Variants in PTPN20 observed in about 807,000 individuals in gnomAD.
PTPN20 encodes tyrosine-protein phosphatase non-receptor type 20.
A neutral mutation model predicts 35.0 loss-of-function variants in PTPN20; 9 were observed. The ratio of observed to expected loss-of-function variants is 0.26; its 90% CI spans 0.15 to 0.45. The LOEUF (loss-of-function observed/expected upper bound fraction) is 0.45, where lower values mean the gene tolerates loss of function less well. Ranked by LOEUF, PTPN20 falls within the 20% of genes least tolerant of loss-of-function variation. PTPN20 has a pLI of 1.00. For missense variants in PTPN20, 111 were observed against 312.5 expected (o/e 0.36, Z 4.86); for synonymous variants, 32 against 100.2 (o/e 0.32, Z 4.06).
intron 7 of PTPN20, among the ~76,000 whole-genome samples, chr10:46,978,683 C>T (rs1375999666): frequency 9.3e-6 from 1 of 107,230 alleles, no homozygotes; most frequent in Non-Finnish European, 1.8e-5. Context: ...CTCTGTAGTT[C>T]AGATATTGCA....
intron 9 of PTPN20, among the ~76,000 whole-genome samples, chr10:46,994,515 T>C (rs1054020445): frequency 8.6e-5 from 13 of 151,828 alleles, no homozygotes; most frequent in Admixed American, 2.6e-4. Context: ...TGTATTTTTT[T>C]AGTAGAGACG....
intron 1 of PTPN20, among the ~76,000 whole-genome samples, chr10:46,925,150 C>T (rs1288383060): frequency 2.0e-5 from 3 of 151,136 alleles, no homozygotes; most frequent in African/African-American, 4.9e-5. Flanking sequence ...TGGTGGTCTC[C>T]GAACCATCCT....
intron 1 of PTPN20, among the ~76,000 whole-genome samples, chr10:46,915,836 TAAAAAA>T (rs781898329): frequency 1.5e-5 from 1 of 67,344 alleles, no homozygotes; most frequent in Non-Finnish European, 2.7e-5. Context: ...AGACTCCGTC[TAAAAAA>T]AAAAAAAAAA....
Position 47,001,839 on chromosome 10 carries a change from G to A in PTPN20, c.*1098G>A, listed in dbSNP as rs948962603. Reference sequence around the variant, plus strand: ...CCATTATTACAGTAATTTTATTATAGGACTTTGCCTCGTACAATTAATAGT... The same window carrying A: ...CCATTATTACAGTAATTTTATTATAAGACTTTGCCTCGTACAATTAATAGT... On this transcript the variant is annotated 3_prime_UTR_variant, in exon 11 of 11. Transcript: ENST00000374339. 1.3e-5 allele frequency: 2 copies of A among 152,036 alleles called. No individual in the cohort carries two copies. Among genetic ancestry groups the A allele is most frequent in the African/African-American group, 4.8e-5 (2 of 41,414 alleles). 9.4% of individuals were successfully genotyped at this position (152,036 alleles called of 1,614,324 possible).
At chr10:46,960,744 G>A (rs1467977704) in intron 5 of PTPN20, among the ~76,000 whole-genome samples, 1 of 152,004 alleles carries the variant, frequency 6.6e-6, no homozygotes, top group Non-Finnish European at 1.5e-5. Context: ...ATATTGTATA[G>A]TCTAGAGATA....
At chr10:46,959,645 T>A (rs2049352813) in intron 5 of PTPN20, among the ~76,000 whole-genome samples, 2 of 114,910 alleles carry the variant, frequency 1.7e-5, no homozygotes, top group African/African-American at 3.6e-5. Flanking sequence ...TCTTAAAAAA[T>A]TTCCTTTATG....
At chr10:46,930,491 A>T (rs1363721369) in intron 1 of PTPN20, among the ~76,000 whole-genome samples, 2 of 147,408 alleles carry the variant, frequency 1.4e-5, no homozygotes, top group Non-Finnish European at 3.0e-5. Context: ...AGAGGTTCTT[A>T]GTTAATTCTG....
chr10:46,957,335 G>C (rs2048692243), intron 5 of PTPN20, among the ~76,000 whole-genome samples: 2 of 149,978 alleles, frequency 1.3e-5, no homozygotes, highest in African/African-American at 2.5e-5. Flanking sequence ...TAGGGGAAAA[G>C]CTTTTACTCT....
chr10:47,002,618 GA>G (rs1222975715), downstream of PTPN20: 6 of 151,860 alleles, frequency 4.0e-5, no homozygotes, highest in African/African-American at 1.4e-4. Flanking sequence ...AATTTTCATT[GA>G]CACCTTTGTG....
At chr10:46,952,560 T>C (rs1415858767) in intron 5 of PTPN20, among the ~76,000 whole-genome samples, 1 of 123,662 alleles carries the variant, frequency 8.1e-6, no homozygotes, top group African/African-American at 3.4e-5. Flanking sequence ...ATGCAGCTGG[T>C]CACATGGTTG....
At chr10:46,953,440 G>A (rs1159545361) in intron 5 of PTPN20, among the ~76,000 whole-genome samples, 1 of 130,514 alleles carries the variant, frequency 7.7e-6, no homozygotes, top group African/African-American at 3.4e-5. Flanking sequence ...AGGACTTTTG[G>A]TTCAATGTTG....
intron 9 of PTPN20, among the ~76,000 whole-genome samples, chr10:46,989,523 A>T (rs1589908931): frequency 1.4e-4 from 1 of 6,916 alleles, no homozygotes. Flanking sequence ...TATCTTTTTG[A>T]TGTGTTGTTA....
chr10:46,955,001 A>G (rs1274604704), intron 5 of PTPN20: 1 of 151,536 alleles, frequency 6.6e-6, no homozygotes, highest in African/African-American at 2.4e-5. Context: ...TTTATGTTGT[A>G]TTAGGTATTA....
rs1589393176 is a variant in PTPN20 at position 46,940,636 on chromosome 10, G to A, written c.48G>A (p.Glu16=). Residue 16 remains glutamate (E), a synonymous_variant, in exon 3 of 11, where the codon GAG becomes GAA. Coordinates refer to ENST00000374339, the MANE Select transcript of PTPN20 (RefSeq NM_001042357.5). ...DFRAEPVNDY[E]GNDSEAEDLN... is the part of the protein sequence containing the mutation. ...GCCTTTGTTCAGTAAACGATTATGA[G>A]GGAAATGACTCTGAAGCAGAAGACT... is the stretch of plus-strand genomic sequence containing the variant. 1 of 1,611,102 alleles carries A rather than the reference G, an allele frequency of 6.2e-7. No homozygotes were observed. Among genetic ancestry groups the A allele is most frequent in the East Asian group, 2.2e-5 (1 of 44,836 alleles).
At chr10:46,997,493 C>A (rs1440721363) in intron 9 of PTPN20, among the ~76,000 whole-genome samples, 37 of 151,024 alleles carry the variant, frequency 2.4e-4, no homozygotes, top group Admixed American at 5.9e-4. Context: ...GGTCTTATTG[C>A]TGTACTAAAA....
At chr10:46,948,173 C>A (rs2045579499) in intron 5 of PTPN20, among the ~76,000 whole-genome samples, 1 of 152,246 alleles carries the variant, frequency 6.6e-6, no homozygotes, top group South Asian at 2.1e-4. Flanking sequence ...CCATTGAAAG[C>A]ACACAGTGTT....
At chr10:46,935,167 T>G (rs1434747660) in intron 2 of PTPN20, among the ~76,000 whole-genome samples, 7 of 146,928 alleles carry the variant, frequency 4.8e-5, no homozygotes, top group African/African-American at 1.5e-4. Flanking sequence ...TGGGGGTACA[T>G]AGGAAGGTTT....
intron 9 of PTPN20, among the ~76,000 whole-genome samples, chr10:46,994,581 G>A (rs965055095): frequency 8.3e-4 from 126 of 152,044 alleles, no homozygotes; most frequent in African/African-American, 2.7e-3. Context: ...TGATCCGCCC[G>A]CCTCGGCCTC....
chr10:46,999,533 T>G (rs1242718022), intron 9 of PTPN20, among the ~76,000 whole-genome samples: 2 of 152,196 alleles, frequency 1.3e-5, no homozygotes, highest in African/African-American at 4.8e-5. Context: ...AGTTTCCGTG[T>G]GAGTTGACAG....
Sources: gnomAD v4.1 joint callset for allele counts (sites outside exome capture counted in the v4.1 genomes callset) on GRCh38, gnomAD v4.1.1 for gene constraint, MANE v1.5 for transcripts, NCBI Gene and HGNC (gene_info 2026-07-23, HGNC 2026-07-21) for gene names.